Variants in SLC5A3 observed in about 807,000 individuals in gnomAD.
SLC5A3 encodes sodium/myo-inositol cotransporter.
A neutral mutation model predicts 43.2 loss-of-function variants in SLC5A3; 10 were observed. The ratio of observed to expected loss-of-function variants is 0.23; its 90% CI spans 0.14 to 0.39. SLC5A3 has a LOEUF of 0.39. Ranked by LOEUF, SLC5A3 falls within the 10% of genes least tolerant of loss-of-function variation. SLC5A3 has a pLI of 1.00. For missense variants in SLC5A3, 608 were observed against 893.4 expected (o/e 0.68, Z 4.07); for synonymous variants, 349 against 322.0 (o/e 1.08, Z -0.90).
At chr21:34,073,808 C>G in intron 1 of SLC5A3, 63 bp downstream of exon 1, 1 of 1,279,878 alleles carries the variant, frequency 7.8e-7, no homozygotes, top group African/African-American at 1.6e-5. Context: ...GCTAGGCCGC[C>G]GTCCCCCGCG....
Position 34,095,271 on chromosome 21 carries a change from T to G in SLC5A3, c.73T>G (p.Phe25Val), listed in dbSNP as rs763468836. ...TTTTATCCTGGTCATGTGCATTGGT[T>G]TTTTTGCCATGTGGAAATCTAATAG... Reference protein sequence around the residue: ...LYFILVMCIGFFAMWKSNRST... With the variant: ...LYFILVMCIGVFAMWKSNRST... The change falls in exon 2 of 2, where the codon TTT becomes GTT. Residue 25 changes from phenylalanine (F) to valine (V), a missense_variant. By Grantham distance (50) the Phe-to-Val change is conservative (BLOSUM62 -1). Around this residue, in one of 2 missense-constraint regions of SLC5A3, gnomAD observed 398 missense variants for 668.6 expected, o/e 0.60. Transcript: ENST00000381151. The G allele has an allele frequency of 2.5e-6, 4 of 1,614,178 alleles. No homozygotes were observed. Among genetic ancestry groups the G allele is most frequent in the South Asian group, 2.2e-5 (2 of 91,086 alleles).
intron 1 of SLC5A3, among the ~76,000 whole-genome samples, chr21:34,078,762 G>T (rs1055090689): frequency 6.6e-6 from 1 of 152,022 alleles, no homozygotes; most frequent in Non-Finnish European, 1.5e-5. Context: ...TGGAAGGAAG[G>T]GTAGAGAACA....
rs1979376889 is a variant in SLC5A3, at chr21:34,104,251, G to A, written c.*6896G>A. ...CTACTTTGCTTTTCACAATGGGGTG[G>A]AGAGGATTCTTTCACTTGTCCCATT... On this transcript the variant is annotated 3_prime_UTR_variant, in exon 2 of 2. Transcript: ENST00000381151. 11 of 999,942 alleles carry A rather than the reference G, an allele frequency of 1.1e-5. No individual in the cohort carries two copies. The highest frequency in any genetic ancestry group is 1.7e-5 in the African/African-American group (1 of 57,216). 61.9% of individuals were successfully genotyped at this position (999,942 alleles called of 1,614,324 possible).
intron 1 of SLC5A3, among the ~76,000 whole-genome samples, chr21:34,081,901 G>T (rs1223058459): frequency 6.6e-6 from 1 of 152,084 alleles, no homozygotes; most frequent in Non-Finnish European, 1.5e-5. Context: ...CTGAAATACA[G>T]TTCTTGTTAA....
Position 34,102,322 on chromosome 21 carries a change from G to A in SLC5A3, c.*4967G>A, listed in dbSNP as rs916497750. 2.0e-6 allele frequency: 2 copies of A among 998,936 alleles called. No individual in the cohort carries two copies. The highest frequency in any genetic ancestry group is 2.4e-6 in the Non-Finnish European group (2 of 828,962). 61.9% of individuals were successfully genotyped at this position (998,936 alleles called of 1,614,324 possible). A position where few individuals can be genotyped will look rare whatever the true frequency, so the allele number is the denominator to read the frequency against. On this transcript the variant is annotated 3_prime_UTR_variant, in exon 2 of 2. Coordinates refer to ENST00000381151, the MANE Select transcript of SLC5A3 (RefSeq NM_006933.7). The stretch of plus-strand genomic sequence containing the variant: ...CTCTCTCTTCAATGCTGAGAATAAG[G>A]CTTTAAATTACTGATTCACCTTTAA...
chr21:34,094,281 T>C (rs532816355), intron 1 of SLC5A3, among the ~76,000 whole-genome samples: 6 of 152,298 alleles, frequency 3.9e-5, no homozygotes, highest in Admixed American at 3.9e-4. Context: ...TATATCCATT[T>C]ACTGGAGTTT....
At chr21:34,082,607 GA>G (rs1989484146) in intron 1 of SLC5A3, among the ~76,000 whole-genome samples, 1 of 152,042 alleles carries the variant, frequency 6.6e-6, no homozygotes, top group Non-Finnish European at 1.5e-5. Context: ...GTATTACCAT[GA>G]AAAAAATTCA....
At chr21:34,079,180 T>A (rs1334834033) in intron 1 of SLC5A3, among the ~76,000 whole-genome samples, 1 of 152,154 alleles carries the variant, frequency 6.6e-6, no homozygotes, top group Admixed American at 6.5e-5. Context: ...ATTTTACAGT[T>A]GAATAGGTGG....
At chr21:34,074,257 C>T (rs1989267254) in intron 1 of SLC5A3, among the ~76,000 whole-genome samples, 1 of 151,848 alleles carries the variant, frequency 6.6e-6, no homozygotes, top group African/African-American at 2.4e-5. Context: ...ACGTCCGCGC[C>T]CAATAAAGCG....
At position 34,086,178 on chromosome 21, in the gene SLC5A3, C is replaced by A. The variant is rs79895420; in HGVS notation, c.-336-8685C>A. On this transcript the variant is annotated intron_variant, in intron 1 of 1. Transcript: ENST00000381151. Reference sequence around the variant, plus strand: ...TTCTATTCCAGGTAATTTCTGTAGACCCATAGGTTCTAGAAATTTGATTAG... The same window carrying A: ...TTCTATTCCAGGTAATTTCTGTAGAACCATAGGTTCTAGAAATTTGATTAG... 7.5e-3 allele frequency among the ~76,000 whole-genome samples: 1,141 copies of A among 152,246 alleles called. 14 individuals carry two copies. The highest frequency in any genetic ancestry group is 0.026 in the African/African-American group (1,094 of 41,532).
rs778031304 is a variant in SLC5A3 at position 34,105,228 on chromosome 21, T to C, written c.*7873T>C. The C allele has an allele frequency of 6.7e-5, 67 of 1,000,316 alleles. No homozygotes were observed. The highest frequency in any genetic ancestry group is 2.3e-4 in the South Asian group (5 of 21,292). The allele number at this position is 1,000,316 out of a possible 1,614,324, so 62.0% of individuals were successfully genotyped here. A position where few individuals can be genotyped will look rare whatever the true frequency, so the allele number is the denominator to read the frequency against. ...ATAGAGCAGGGATTTACCCGTTCTTTGCTTGGACATCCCATTTTCTTTTGT... is the reference window on the plus strand; with the variant it reads ...ATAGAGCAGGGATTTACCCGTTCTTCGCTTGGACATCCCATTTTCTTTTGT... On this transcript the variant is annotated 3_prime_UTR_variant, in exon 2 of 2. Transcript: ENST00000381151.
rs575825619 is a variant in SLC5A3 at position 34,099,578 on chromosome 21, C to A, written c.*2223C>A. 4 of 999,238 alleles carry A rather than the reference C, an allele frequency of 4.0e-6. No homozygotes were observed. The highest frequency in any genetic ancestry group is 4.8e-6 in the Non-Finnish European group (4 of 829,782). 61.9% of individuals were successfully genotyped at this position (999,238 alleles called of 1,614,324 possible). On this transcript the variant is annotated 3_prime_UTR_variant, in exon 2 of 2. Transcript: ENST00000381151. ...GGCAGCCTATCTCTTCCATATCCAG[C>A]GTAAATGAATAGGAGGTGTTTGTGA...
At position 34,100,974 on chromosome 21, in the gene SLC5A3, T is replaced by G; in HGVS notation, c.*3619T>G. ...CTTATGATGATTCTCCTGGCTCATT[T>G]TCATCAGAGGCATGATGACTGGAAA... On this transcript the variant is annotated 3_prime_UTR_variant, in exon 2 of 2. Transcript: ENST00000381151. The G allele has an allele frequency of 1.0e-6, 1 of 1,000,060 alleles. No homozygotes were observed. 61.9% of individuals were successfully genotyped at this position (1,000,060 alleles called of 1,614,324 possible).
Position 34,104,062 on chromosome 21 carries a change from C to T in SLC5A3, c.*6707C>T, listed in dbSNP as rs1219885383. 1.0e-6 allele frequency: 1 copy of T among 999,920 alleles called. No individual in the cohort carries two copies. The highest frequency in any genetic ancestry group is 1.2e-6 in the Non-Finnish European group (1 of 829,910). The allele number at this position is 999,920 out of a possible 1,614,324, so 61.9% of individuals were successfully genotyped here. A position where few individuals can be genotyped will look rare whatever the true frequency, so the allele number is the denominator to read the frequency against. Reference sequence around the variant, plus strand: ...TGCAGAAAGTCATACTTTAACAGGGCAAATACTACTTGTCTTTGATTTTTT... The same window carrying T: ...TGCAGAAAGTCATACTTTAACAGGGTAAATACTACTTGTCTTTGATTTTTT... On this transcript the variant is annotated 3_prime_UTR_variant, in exon 2 of 2. Transcript: ENST00000381151.
chr21:34,084,120 A>T (rs1448988963), intron 1 of SLC5A3, among the ~76,000 whole-genome samples: 4 of 148,380 alleles, frequency 2.7e-5, no homozygotes, highest in East Asian at 3.9e-4. Flanking sequence ...TTGTGGTCTT[A>T]CTTCTTACTT....
rs1384973802 is a variant in SLC5A3 at position 34,099,146 on chromosome 21, T to C, written c.*1791T>C. The C allele has an allele frequency of 2.0e-6, 2 of 999,342 alleles. No homozygotes were observed. Among genetic ancestry groups the C allele is most frequent in the African/African-American group, 1.7e-5 (1 of 57,232 alleles). The allele number at this position is 999,342 out of a possible 1,614,324, so 61.9% of individuals were successfully genotyped here. On this transcript the variant is annotated 3_prime_UTR_variant, in exon 2 of 2. Coordinates refer to ENST00000381151, the MANE Select transcript of SLC5A3 (RefSeq NM_006933.7). The stretch of plus-strand genomic sequence containing the variant: ...AGTCTGTAAATGAAAAAATAATTTA[T>C]GTATGAATAGCATGTATTTCTGAAG...
chr21:34,088,050 C>T (rs866486910), intron 1 of SLC5A3, among the ~76,000 whole-genome samples: 25 of 152,184 alleles, frequency 1.6e-4, no homozygotes, highest in African/African-American at 5.3e-4. Context: ...ATTCATACCC[C>T]GGAACAACAG....
intron 1 of SLC5A3, among the ~76,000 whole-genome samples, chr21:34,091,897 A>G (rs1602922796): frequency 6.8e-6 from 1 of 147,034 alleles, no homozygotes; most frequent in Non-Finnish European, 1.5e-5. Context: ...ACCCACCTAC[A>G]TGCTTTTCAT....
At chr21:34,075,575 A>G (rs555259336) in intron 1 of SLC5A3, among the ~76,000 whole-genome samples, 1 of 152,244 alleles carries the variant, frequency 6.6e-6, no homozygotes, top group Admixed American at 6.5e-5. Context: ...TAGAAAGTAG[A>G]TAATAAAGGT....
Sources: allele counts gnomAD v4.1 joint callset (sites outside exome capture counted in the v4.1 genomes callset), GRCh38; gene constraint gnomAD v4.1.1; regional missense constraint gnomAD v4.1.1; transcripts MANE v1.5; gene names NCBI Gene and HGNC (gene_info 2026-07-23, HGNC 2026-07-21).